Variants in CNNM2 observed in about 807,000 individuals in gnomAD.
CNNM2 encodes the protein metal transporter CNNM2.
Under a neutral mutation model 66.9 loss-of-function variants are expected in CNNM2, and 12 were observed. The ratio of observed to expected loss-of-function variants is 0.18; its 90% CI spans 0.11 to 0.29. The LOEUF (loss-of-function observed/expected upper bound fraction) is 0.29, where lower values mean the gene tolerates loss of function less well. Among genes scored for constraint, CNNM2 ranks in the 10% least tolerant of loss-of-function variants. The pLI is 1.00. For synonymous variants in CNNM2, 557 were observed against 501.8 expected, an observed-to-expected ratio of 1.11 and a Z score of -1.47; for missense variants, 705 against 1,167.7, an observed-to-expected ratio of 0.60 and a Z score of 5.77.
At chr10:102,995,170 CCCCTCT>C (rs2063970396) in intron 1 of CNNM2, among the ~76,000 whole-genome samples, 1 of 98,604 alleles carries the variant, frequency 1.0e-5, no homozygotes, top group Admixed American at 9.8e-5. Flanking sequence ...CCTCCTCCTC[CCCCTCT>C]TCCTCCTCCT....
In CNNM2 at chr10:103,089,670, C is replaced by T. The variant is rs775525368; in HGVS notation, c.*12490C>T. The T allele has an allele frequency of 2.5e-6, 4 of 1,592,032 alleles. No individual in the cohort carries two copies. The Admixed American group carries it at 6.9e-5, about 27-fold the overall frequency. On this transcript the variant is annotated 3_prime_UTR_variant, in exon 8 of 8. Coordinates refer to ENST00000369878, the MANE Select transcript of CNNM2 (RefSeq NM_017649.5). ...GGGTGCTTGGGGTTTTGGTTTTCCT[C>T]CTTATTCTTCCTCCTCCTCCTCCTC...
At position 103,049,803 on chromosome 10, in the gene CNNM2, T is replaced by C; in HGVS notation, c.1718T>C (p.Ile573Thr). 1 of 1,613,920 alleles carries C rather than the reference T, an allele frequency of 6.2e-7. No individual in the cohort carries two copies. The highest frequency in any genetic ancestry group is 8.5e-7 in the Non-Finnish European group (1 of 1,179,786). The change falls in exon 2 of 8, where the codon ATT becomes ACT. Residue 573 changes from isoleucine to threonine, a missense_variant. This residue lies in a region of CNNM2 where 171 missense variants were observed against 304.8 expected (regional missense o/e 0.56). Coordinates refer to ENST00000369878, the MANE Select transcript of CNNM2 (RefSeq NM_017649.5). ...GGAATCGTCACCTTAGAAGATGTGA[T>C]TGAAGAAATCATCAAATCTGAGATT... ...VLGIVTLEDV[I>T]EEIIKSEILD...
At chr10:102,981,585 G>A (rs551060875) in intron 1 of CNNM2, among the ~76,000 whole-genome samples, 1 of 151,442 alleles carries the variant, frequency 6.6e-6, no homozygotes, top group Non-Finnish European at 1.5e-5. Context: ...TTTAAGTCAA[G>A]GTTCGCCATG....
intron 1 of CNNM2, among the ~76,000 whole-genome samples, chr10:103,015,190 C>CA (rs2064420049): frequency 6.6e-6 from 1 of 152,124 alleles, no homozygotes. Flanking sequence ...CCAAGGTGGA[C>CA]AAAATTACCA....
At chr10:103,060,743 TAAC>T (rs757367362) in intron 4 of CNNM2, among the ~76,000 whole-genome samples, 10 of 152,152 alleles carry the variant, frequency 6.6e-5, no homozygotes, top group African/African-American at 2.2e-4. Flanking sequence ...AATAAACTGG[TAAC>T]AACGAGTCTC....
At chr10:102,935,455 A>G (rs1590273032) in intron 1 of CNNM2, among the ~76,000 whole-genome samples, 1 of 152,196 alleles carries the variant, frequency 6.6e-6, no homozygotes, top group Non-Finnish European at 1.5e-5. Flanking sequence ...AGGAGACCTC[A>G]TCTCAAAAAA....
At chr10:103,038,855 GCTT>G (rs1450131689) in intron 1 of CNNM2, among the ~76,000 whole-genome samples, 1 of 152,110 alleles carries the variant, frequency 6.6e-6, no homozygotes, top group African/African-American at 2.4e-5. Flanking sequence ...TACAGCAAGT[GCTT>G]CTATATATAC....
intron 2 of CNNM2, among the ~76,000 whole-genome samples, chr10:103,053,993 G>A (rs1222695763): frequency 1.3e-5 from 2 of 152,164 alleles, no homozygotes; most frequent in African/African-American, 2.4e-5. Flanking sequence ...TGCGCGCCCT[G>A]TTGCTGTGTG....
At chr10:103,059,863 T>A (rs2065355131) in intron 4 of CNNM2, among the ~76,000 whole-genome samples, 1 of 152,216 alleles carries the variant, frequency 6.6e-6, no homozygotes, top group African/African-American at 2.4e-5. Context: ...TTATGTGGGC[T>A]GGGTGTGGTA....
intron 1 of CNNM2, among the ~76,000 whole-genome samples, chr10:102,974,726 A>T (rs1024663942): frequency 6.6e-6 from 1 of 152,036 alleles, no homozygotes; most frequent in African/African-American, 2.4e-5. Flanking sequence ...TCATACAGGC[A>T]GGGTCTCACC....
At chr10:102,956,524 T>C (rs865975382) in intron 1 of CNNM2, among the ~76,000 whole-genome samples, 1 of 152,166 alleles carries the variant, frequency 6.6e-6, no homozygotes, top group Non-Finnish European at 1.5e-5. Flanking sequence ...TGCACACGTA[T>C]GTTTATTGTG....
Position 102,987,483 on chromosome 10 carries a change from G to A in CNNM2, c.1622-62224G>A, listed in dbSNP as rs12098389. Among the ~76,000 whole-genome samples, 2,301 of 152,012 alleles carry A rather than the reference G, an allele frequency of 0.015. 60 individuals carry two copies. The highest frequency in any genetic ancestry group is 0.052 in the African/African-American group (2,145 of 41,450). ...CCACAGGTGCCCACCACCACGCCTG[G>A]CTAATTTTTTTGTATTTTTAGTAGA... On this transcript the variant is annotated intron_variant, in intron 1 of 7. Transcript: ENST00000369878.
chr10:103,077,541 G>GT lies in CNNM2; in HGVS notation c.*366dup, dbSNP rs2065711703. ...GCGATTTATTTTTTCAAGAGATCAT[G>GT]TTTTTAAAGTGTCTTTTGCAGAGTT... On this transcript the variant is annotated 3_prime_UTR_variant, in exon 8 of 8. Transcript: ENST00000369878. 2 of 248,120 alleles carry GT rather than the reference G, an allele frequency of 8.1e-6. No homozygotes were observed. The highest frequency in any genetic ancestry group is 7.9e-6 in the Non-Finnish European group (1 of 126,598). 15.4% of individuals were successfully genotyped at this position (248,120 alleles called of 1,614,324 possible).
intron 4 of CNNM2, among the ~76,000 whole-genome samples, chr10:103,059,374 C>T (rs1428788013): frequency 6.6e-6 from 1 of 152,230 alleles, no homozygotes; most frequent in East Asian, 1.9e-4. Context: ...CAGGAAAAAA[C>T]CCTTTAAGTA....
At chr10:103,042,287 C>T (rs2065055360) in intron 1 of CNNM2, among the ~76,000 whole-genome samples, 1 of 152,226 alleles carries the variant, frequency 6.6e-6, no homozygotes, top group East Asian at 1.9e-4. Flanking sequence ...CCACCATCCT[C>T]CCTGGCTTGG....
chr10:102,970,889 TAGTTAA>T (rs2063536910), intron 1 of CNNM2, among the ~76,000 whole-genome samples: 1 of 152,116 alleles, frequency 6.6e-6, no homozygotes, highest in African/African-American at 2.4e-5. Context: ...TTGGTGACTC[TAGTTAA>T]AGTTAGTCTC....
chr10:102,950,523 G>A (rs1381642466), intron 1 of CNNM2, among the ~76,000 whole-genome samples: 4 of 152,108 alleles, frequency 2.6e-5, no homozygotes, highest in African/African-American at 9.7e-5. Context: ...CACTTTGGGA[G>A]GCTTGAGGCG....
At chr10:102,993,451 T>C (rs1182955530) in intron 1 of CNNM2, among the ~76,000 whole-genome samples, 2 of 152,202 alleles carry the variant, frequency 1.3e-5, no homozygotes, top group African/African-American at 4.8e-5. Context: ...CTTTAATTGG[T>C]CAAAAGTTTT....
intron 1 of CNNM2, among the ~76,000 whole-genome samples, chr10:103,033,116 CAAA>C (rs528890140): frequency 1.1e-5 from 1 of 89,094 alleles, no homozygotes. Flanking sequence ...AGACCCTGTC[CAAA>C]AAAAAAAAAA....
Sources: allele counts gnomAD v4.1 joint callset (sites outside exome capture counted in the v4.1 genomes callset), GRCh38; gene constraint gnomAD v4.1.1; regional missense constraint gnomAD v4.1.1; transcripts MANE v1.5; gene names NCBI Gene and HGNC (gene_info 2026-07-23, HGNC 2026-07-21).